ARSG: variants seen among roughly 807,000 people sequenced by gnomAD.
ARSG encodes the protein ASG.
ARSG carries 37 observed loss-of-function variants against 50.5 expected under a neutral mutation model. The ratio of observed to expected loss-of-function variants is 0.73; its 90% CI spans 0.56 to 0.96. The LOEUF is 0.96. Among genes scored for constraint, ARSG ranks in the 50% least tolerant of loss-of-function variants. ARSG has a pLI of 0.00. For missense variants in ARSG, 629 were observed against 675.3 expected (o/e 0.93, Z 0.76); for synonymous variants, 225 against 254.6 (o/e 0.88, Z 1.11).
At chr17:68,413,661 T>G (rs1389320362) in intron 11 of ARSG, 1 of 156,926 alleles carries the variant, frequency 6.4e-6, no homozygotes, top group African/African-American at 2.4e-5. Flanking sequence ...GCTTCCCGGC[T>G]GCTTTGGTTA....
At chr17:68,276,288 TAAAA>T (rs1555750878) in intron 1 of ARSG, among the ~76,000 whole-genome samples, 2 of 151,640 alleles carry the variant, frequency 1.3e-5, no homozygotes, top group Admixed American at 1.3e-4. Flanking sequence ...ACCCAAAGGG[TAAAA>T]ACATGTAGAA....
At chr17:68,421,732 C>T, downstream of ARSG, 1 of 1,614,014 alleles carries the variant, frequency 6.2e-7, no homozygotes, top group Non-Finnish European at 8.5e-7. Context: ...CCAAAACCAC[C>T]TGATAGGGGG....
At chr17:68,436,651 A>C in the ARSG span, among the ~76,000 whole-genome samples, 5 of 152,128 alleles carry the variant, frequency 3.3e-5, no homozygotes, top group African/African-American at 1.2e-4. Flanking sequence ...GCTTCCAATA[A>C]AGCAACTTCA....
chr17:68,318,835 C>G (rs2077171909), intron 2 of ARSG, among the ~76,000 whole-genome samples: 1 of 152,144 alleles, frequency 6.6e-6, no homozygotes, highest in Admixed American at 6.5e-5. Flanking sequence ...TCAGGGGCTC[C>G]CAGGGACTTG....
intron 2 of ARSG, among the ~76,000 whole-genome samples, chr17:68,315,606 TAA>T (rs1555768233): frequency 1.3e-5 from 2 of 151,942 alleles, no homozygotes; most frequent in Non-Finnish European, 1.5e-5. Flanking sequence ...TGTCCAAGCA[TAA>T]GAGGCAACCT....
intron 5 of ARSG, among the ~76,000 whole-genome samples, chr17:68,354,729 CA>C (rs2078958005): frequency 1.3e-5 from 2 of 151,952 alleles, no homozygotes; most frequent in African/African-American, 2.4e-5. Context: ...ACAAAAAATA[CA>C]AAAATTAGCC....
intron 1 of ARSG, among the ~76,000 whole-genome samples, chr17:68,296,565 G>A (rs1018997828): frequency 6.6e-6 from 1 of 152,266 alleles, no homozygotes; most frequent in African/African-American, 2.4e-5. Flanking sequence ...TGCTGTGATC[G>A]GTGGGGGCCT....
chr17:68,370,600 G>A (rs2079789906), intron 8 of ARSG, 76 bp downstream of exon 8: 3 of 1,359,918 alleles, frequency 2.2e-6, no homozygotes, highest in South Asian at 2.4e-5. Context: ...TCTGCCTCCG[G>A]GTGGGGGACA....
At chr17:68,397,257 G>A (rs1031957463) in intron 10 of ARSG, among the ~76,000 whole-genome samples, 1 of 152,146 alleles carries the variant, frequency 6.6e-6, no homozygotes, top group Non-Finnish European at 1.5e-5. Flanking sequence ...ATGATGGCGT[G>A]GTTAATGCAG....
In ARSG at chr17:68,367,405, A is replaced by G. The variant is rs1309992691; in HGVS notation, c.705-1143A>G. ...GGCCAACTGAATCTCTGCGTGAACT[A>G]GTATGAAAGGGCCATGCATCTACCC... On this transcript the variant is annotated intron_variant, in intron 6 of 11. Coordinates refer to ENST00000621439, the MANE Select transcript of ARSG (RefSeq NM_001267727.2). The surrounding 1 kb of genome is among the most constrained non-coding windows in gnomAD (Gnocchi z 4.5). 3.9e-5 allele frequency among the ~76,000 whole-genome samples: 6 copies of G among 152,142 alleles called. No homozygotes were observed. Among genetic ancestry groups the G allele is most frequent in the African/African-American group, 1.4e-4 (6 of 41,442 alleles).
At chr17:68,380,648 A>G (rs561740864) in intron 8 of ARSG, among the ~76,000 whole-genome samples, 1 of 152,224 alleles carries the variant, frequency 6.6e-6, no homozygotes, top group South Asian at 2.1e-4. Context: ...TAACATACTA[A>G]ATGTGTCTTA....
chr17:68,433,523 C>T, the ARSG span: 60 of 1,613,560 alleles, frequency 3.7e-5, 1 homozygote, highest in Admixed American at 2.7e-4. Flanking sequence ...TTACTGGAGG[C>T]GCAGAGGAAT....
intron 2 of ARSG, among the ~76,000 whole-genome samples, chr17:68,331,764 A>C (rs1450941438): frequency 6.6e-6 from 1 of 152,128 alleles, no homozygotes; most frequent in Admixed American, 6.5e-5. Flanking sequence ...AGTACAAAAC[A>C]GAGAAATTTT....
chr17:68,281,556 A>C (rs1332077875), intron 1 of ARSG, among the ~76,000 whole-genome samples: 2 of 152,154 alleles, frequency 1.3e-5, no homozygotes, highest in Admixed American at 6.6e-5. Context: ...GCCTGGTGAC[A>C]CAGCGAGACT....
chr17:68,289,645 A>T (rs559703717), upstream of ARSG, among the ~76,000 whole-genome samples: 100 of 152,278 alleles, frequency 6.6e-4, no homozygotes, highest in African/African-American at 2.0e-3. Context: ...TTCTCTATTT[A>T]AAAAAAATTT....
intron 8 of ARSG, among the ~76,000 whole-genome samples, chr17:68,375,649 G>A (rs1240160042): frequency 1.3e-5 from 2 of 152,182 alleles, no homozygotes; most frequent in Admixed American, 6.5e-5. Flanking sequence ...TACCATATTG[G>A]GTAGCAAATA....
At chr17:68,316,323 C>T (rs2077069351) in intron 2 of ARSG, among the ~76,000 whole-genome samples, 1 of 152,226 alleles carries the variant, frequency 6.6e-6, no homozygotes, top group Admixed American at 6.5e-5. Context: ...TGTTCTGTTT[C>T]CATGACCTGT....
At chr17:68,385,311 G>T (rs753907653) in intron 9 of ARSG, 139 bp downstream of exon 9, 2 of 666,696 alleles carry the variant, frequency 3.0e-6, no homozygotes, top group African/African-American at 1.8e-5. Context: ...TTCACCACTT[G>T]CCTTTGCCGG....
chr17:68,264,443 ACT>A (rs782430887), intron 1 of ARSG, among the ~76,000 whole-genome samples: 10 of 151,020 alleles, frequency 6.6e-5, no homozygotes, highest in Non-Finnish European at 1.5e-4. Flanking sequence ...CATGGTCTCA[ACT>A]CTTTTTTTTT....
Sources: allele counts gnomAD v4.1 joint callset (sites outside exome capture counted in the v4.1 genomes callset), GRCh38; gene constraint gnomAD v4.1.1; non-coding constraint Gnocchi (gnomAD v3.1); transcripts MANE v1.5; gene names NCBI Gene and HGNC (gene_info 2026-07-23, HGNC 2026-07-21).